The following SEC22A variants were observed in gnomAD, a reference collection of about 807,000 sequenced individuals.
SEC22A encodes the protein SEC22 homolog A, vesicle trafficking protein, also known as vesicle-trafficking protein SEC22a.
A neutral mutation model predicts 35.3 loss-of-function variants in SEC22A; 22 were observed. That is an observed-to-expected ratio of 0.62 (90% CI 0.45 to 0.89). SEC22A has a LOEUF of 0.89. SEC22A is among the 40% of genes least tolerant of loss of function. SEC22A has a pLI of 0.00. For missense variants in SEC22A, 354 were observed against 362.5 expected, an observed-to-expected ratio of 0.98 and a Z score of 0.19; for synonymous variants, 119 against 129.5, an observed-to-expected ratio of 0.92 and a Z score of 0.55.
At chr3:123,220,811 C>A (rs79777903) in intron 2 of SEC22A, among the ~76,000 whole-genome samples, 7 of 147,044 alleles carry the variant, frequency 4.8e-5, no homozygotes, top group Non-Finnish European at 9.0e-5. Context: ...TAGTAATAGA[C>A]GACTAGTAGG....
rs34449858 is a variant in SEC22A, at chr3:123,269,220, T to TTA, written c.724-2302_724-2301insTA. On this transcript the variant is annotated intron_variant, in intron 6 of 6. Coordinates refer to ENST00000492595, the MANE Select transcript of SEC22A (RefSeq NM_012430.5). ...GTGTGTGTGTGTGTGTGTGTGTATATATTACTGGAAATGCTAGCTCATTTT... is the reference window on the plus strand; with the variant it reads ...GTGTGTGTGTGTGTGTGTGTGTATATTAATTACTGGAAATGCTAGCTCATTTT... 3.9e-3 allele frequency among the ~76,000 whole-genome samples: 582 copies of TTA among 150,174 alleles called. 4 individuals carry two copies. Among genetic ancestry groups the TTA allele is most frequent in the East Asian group, 4.8e-3 (25 of 5,162 alleles).
At chr3:123,256,758 C>CTTA (rs1553712645) in intron 5 of SEC22A, among the ~76,000 whole-genome samples, 1 of 83,550 alleles carries the variant, frequency 1.2e-5, no homozygotes. Context: ...TTTTTCTTTC[C>CTTA]TTTTTTTTTT....
intron 2 of SEC22A, among the ~76,000 whole-genome samples, chr3:123,218,970 C>A (rs567293188): frequency 6.6e-6 from 1 of 152,234 alleles, no homozygotes; most frequent in Admixed American, 6.5e-5. Flanking sequence ...TATTAATATA[C>A]AATTACAAAT....
At chr3:123,227,471 G>T (rs1459480196) in intron 4 of SEC22A, among the ~76,000 whole-genome samples, 1 of 152,176 alleles carries the variant, frequency 6.6e-6, no homozygotes, top group Non-Finnish European at 1.5e-5. Context: ...TTGGGGGCAA[G>T]GGGAGGGATA....
rs183508686 is a variant in SEC22A, at chr3:123,234,803, G to A, written c.541+9506G>A. On this transcript the variant is annotated intron_variant, in intron 4 of 6. Transcript: ENST00000492595. ...TTTGGGAGGCCAAGACAGGCAGATC[G>A]CTTGGTCCCATGAGTTCGAGACCAG... Among the ~76,000 whole-genome samples the A allele has an allele frequency of 2.6e-4, 39 of 152,116 alleles. No homozygotes were observed. The South Asian group carries it at 5.6e-3, about 22-fold the overall frequency.
chr3:123,222,856 T>G (rs1341645509), intron 2 of SEC22A, among the ~76,000 whole-genome samples: 1 of 152,200 alleles, frequency 6.6e-6, no homozygotes, highest in African/African-American at 2.4e-5. Context: ...AATTTCCCCC[T>G]AGATTTAACA....
At chr3:123,224,751 A>G (rs1022728036) in intron 3 of SEC22A, among the ~76,000 whole-genome samples, 3 of 152,152 alleles carry the variant, frequency 2.0e-5, no homozygotes, top group African/African-American at 7.2e-5. Context: ...TGATTGTACC[A>G]CTGCACCCCA....
chr3:123,269,939 T>TC (rs985059623), intron 6 of SEC22A, among the ~76,000 whole-genome samples: 4 of 151,432 alleles, frequency 2.6e-5, no homozygotes, highest in Non-Finnish European at 5.9e-5. Flanking sequence ...GCCAAAAATT[T>TC]TTTTAAAAAA....
chr3:123,227,223 GAA>G (rs10575570), intron 4 of SEC22A, among the ~76,000 whole-genome samples: 29,785 of 146,408 alleles, frequency 0.2, 3,011 homozygotes, highest in Middle Eastern at 0.28. Context: ...AAGGCTTTAG[GAA>G]AAAAAAAAAA....
chr3:123,216,290 G>A (rs1487489508), intron 2 of SEC22A, among the ~76,000 whole-genome samples: 2 of 152,168 alleles, frequency 1.3e-5, no homozygotes, highest in African/African-American at 4.8e-5. Context: ...ATTCTCTGGA[G>A]TGTGGCTGTG....
intron 4 of SEC22A, among the ~76,000 whole-genome samples, chr3:123,236,596 T>C (rs1280845257): frequency 1.3e-5 from 2 of 152,044 alleles, no homozygotes; most frequent in Admixed American, 6.5e-5. Context: ...TTTTGAATCA[T>C]ATTGTTCTCT....
At chr3:123,224,865 A>G (rs1937193369) in intron 3 of SEC22A, among the ~76,000 whole-genome samples, 1 of 152,156 alleles carries the variant, frequency 6.6e-6, no homozygotes, top group Non-Finnish European at 1.5e-5. Context: ...AGTGGATGTA[A>G]TACACTTAGG....
intron 6 of SEC22A, among the ~76,000 whole-genome samples, chr3:123,260,103 G>T (rs1937846893): frequency 8.2e-6 from 1 of 122,484 alleles, no homozygotes; most frequent in Non-Finnish European, 1.6e-5. Context: ...CTGCACTCCG[G>T]CCTGGGCAAC....
At position 123,225,162 on chromosome 3, in the gene SEC22A, A is replaced by G. The variant is rs747994666; in HGVS notation, c.406A>G (p.Ile136Val). ...TAATCCCAGGTCTCTTTCAACAAAG[A>G]TAAATCTTTCTGACATGCAGACGGA... Reference protein sequence around the residue: ...YNNPRSLSTKINLSDMQTEIK... With the variant: ...YNNPRSLSTKVNLSDMQTEIK... Residue 136 changes from isoleucine (I) to valine (V), a missense_variant, in exon 4 of 7, where the codon ATA (isoleucine) becomes GTA (valine). By Grantham distance (29) the Ile-to-Val change is conservative. Transcript: ENST00000492595. 3.1e-6 allele frequency: 5 copies of G among 1,613,868 alleles called. No individual in the cohort carries two copies. Among genetic ancestry groups the G allele is most frequent in the East Asian group, 2.2e-5 (1 of 44,870 alleles).
At chr3:123,251,085 A>G (rs1937608902) in intron 5 of SEC22A, among the ~76,000 whole-genome samples, 1 of 152,246 alleles carries the variant, frequency 6.6e-6, no homozygotes, top group Non-Finnish European at 1.5e-5. Context: ...CATTTCAAGA[A>G]AGTAAAGGTA....
At position 123,272,423 on chromosome 3, in the gene SEC22A, G is replaced by A. The variant is rs1938193320; in HGVS notation, c.*701G>A. The A allele has an allele frequency of 6.6e-6, 1 of 152,078 alleles. No individual in the cohort carries two copies. The highest frequency in any genetic ancestry group is 1.9e-4 in the East Asian group (1 of 5,198). The allele number at this position is 152,078 out of a possible 1,614,324, so 9.4% of individuals were successfully genotyped here. A position where few individuals can be genotyped will look rare whatever the true frequency, so the allele number is the denominator to read the frequency against. On this transcript the variant is annotated 3_prime_UTR_variant, in exon 7 of 7. Coordinates refer to ENST00000492595, the MANE Select transcript of SEC22A (RefSeq NM_012430.5). ...TCTAAAAAATATGACTCACACTATAGCCGTTGTTTCCCAAACTTCAGTCTC... is the reference window on the plus strand; with the variant it reads ...TCTAAAAAATATGACTCACACTATAACCGTTGTTTCCCAAACTTCAGTCTC...
Position 123,272,148 on chromosome 3 carries a change from GT to G in SEC22A, c.*430del, listed in dbSNP as rs1938183740. The G allele has an allele frequency of 6.3e-6, 1 of 157,942 alleles. No homozygotes were observed. Among genetic ancestry groups the G allele is most frequent in the Non-Finnish European group, 1.4e-5 (1 of 71,584 alleles). The allele number at this position is 157,942 out of a possible 1,614,324, so 9.8% of individuals were successfully genotyped here. On this transcript the variant is annotated 3_prime_UTR_variant, in exon 7 of 7. Coordinates refer to ENST00000492595, the MANE Select transcript of SEC22A (RefSeq NM_012430.5). ...AAGCTGCAGAAATTGGAAAGTTTAT[GT>G]TTTAAATAAATGACTGTGATAAATA...
At chr3:123,254,658 C>T (rs141360053) in intron 5 of SEC22A, among the ~76,000 whole-genome samples, 61 of 152,286 alleles carry the variant, frequency 4.0e-4, no homozygotes, top group Middle Eastern at 3.4e-3. Context: ...AGCCTCTTTA[C>T]GTATGCTCTC....
intron 4 of SEC22A, among the ~76,000 whole-genome samples, chr3:123,231,715 TA>T (rs1937330523): frequency 2.0e-5 from 3 of 151,926 alleles, no homozygotes; most frequent in Non-Finnish European, 4.4e-5. Context: ...TGCCTATGTT[TA>T]AAAAAACAAA....
Sources: allele counts gnomAD v4.1 joint callset (sites outside exome capture counted in the v4.1 genomes callset), GRCh38; gene constraint gnomAD v4.1.1; transcripts MANE v1.5; gene names NCBI Gene and HGNC (gene_info 2026-07-23, HGNC 2026-07-21).